The following POU6F2 variants were observed in gnomAD, a reference collection of about 807,000 sequenced individuals.
POU6F2 encodes POU class 6 homeobox 2, also known as POU domain, class 6, transcription factor 2.
In POU6F2, 31 loss-of-function variants were observed where a neutral mutation model predicts 71.3. That is an observed-to-expected ratio of 0.43 (90% CI 0.33 to 0.59). The LOEUF (loss-of-function observed/expected upper bound fraction) is 0.59, where lower values mean the gene tolerates loss of function less well. Ranked by LOEUF, POU6F2 falls within the 20% of genes least tolerant of loss-of-function variation. The pLI, the probability that POU6F2 is intolerant of heterozygous loss-of-function variation, is 0.04. For synonymous variants in POU6F2, 347 were observed against 355.7 expected, an observed-to-expected ratio of 0.98 and a Z score of 0.27; for missense variants, 783 against 856.8, an observed-to-expected ratio of 0.91 and a Z score of 1.07.
chr7:39,051,419 A>G (rs1442975581), intron 1 of POU6F2, among the ~76,000 whole-genome samples: 1 of 152,082 alleles, frequency 6.6e-6, no homozygotes, highest in Non-Finnish European at 1.5e-5. Flanking sequence ...AATGCTCGAA[A>G]ATCTACTTGT....
At chr7:39,075,212 A>T (rs1790974048) in intron 1 of POU6F2, among the ~76,000 whole-genome samples, 1 of 152,170 alleles carries the variant, frequency 6.6e-6, no homozygotes, top group Admixed American at 6.5e-5. Flanking sequence ...TACCATCATT[A>T]TAATGTGAAC....
intron 4 of POU6F2, among the ~76,000 whole-genome samples, chr7:39,250,001 A>C (rs553339305): frequency 3.9e-5 from 6 of 152,358 alleles, no homozygotes; most frequent in Non-Finnish European, 7.3e-5. Flanking sequence ...ATCTGCAGGC[A>C]TTAAAGCGTG....
intron 2 of POU6F2, among the ~76,000 whole-genome samples, chr7:39,091,378 T>C (rs570716202): frequency 6.6e-6 from 1 of 152,292 alleles, no homozygotes; most frequent in Admixed American, 6.5e-5. Flanking sequence ...AATATTGCAG[T>C]GTCCAAGGAT....
intron 2 of POU6F2, among the ~76,000 whole-genome samples, chr7:39,201,425 G>A (rs1012159114): frequency 5.9e-5 from 9 of 152,210 alleles, no homozygotes; most frequent in African/African-American, 1.4e-4. Context: ...GAGTAGTCAC[G>A]TGGATGCCAG....
chr7:39,254,300 A>G (rs1010012968), intron 4 of POU6F2, among the ~76,000 whole-genome samples: 1 of 152,222 alleles, frequency 6.6e-6, no homozygotes, highest in African/African-American at 2.4e-5. Context: ...ATCCATTAAA[A>G]TACCGTCCCA....
intron 4 of POU6F2, 47 bp downstream of exon 4, chr7:39,207,667 A>G (rs1794049679): frequency 6.4e-7 from 1 of 1,551,306 alleles, no homozygotes; most frequent in East Asian, 2.4e-5. Context: ...CCCGTTGGCC[A>G]GTATTCTCTG....
chr7:39,061,627 A>G (rs1462981871), intron 1 of POU6F2, among the ~76,000 whole-genome samples: 2 of 151,308 alleles, frequency 1.3e-5, no homozygotes, highest in Non-Finnish European at 2.9e-5. Flanking sequence ...GTTTGTTAAT[A>G]TCACCACTTA....
intron 6 of POU6F2, among the ~76,000 whole-genome samples, chr7:39,418,987 G>A (rs369937681): frequency 7.5e-6 from 1 of 133,986 alleles, no homozygotes; most frequent in African/African-American, 2.9e-5. Flanking sequence ...ATATATATGT[G>A]TATATATGTG....
chr7:39,427,355 A>AT (rs957563672), intron 6 of POU6F2, among the ~76,000 whole-genome samples: 10 of 151,832 alleles, frequency 6.6e-5, no homozygotes, highest in East Asian at 3.9e-4. Context: ...CCAGTGGGGA[A>AT]TTTTTTTTTC....
intron 2 of POU6F2, among the ~76,000 whole-genome samples, chr7:39,182,970 A>C (rs1793465008): frequency 6.6e-6 from 1 of 152,194 alleles, no homozygotes. Context: ...CAATTGACAT[A>C]TCCTTTAGAC....
chr7:39,145,046 G>C (rs1358076101), intron 2 of POU6F2, among the ~76,000 whole-genome samples: 1 of 152,166 alleles, frequency 6.6e-6, no homozygotes, highest in Non-Finnish European at 1.5e-5. Flanking sequence ...ACTTAGAGTG[G>C]ACATTTCATG....
At chr7:39,018,229 A>G (rs957533206) in intron 1 of POU6F2, among the ~76,000 whole-genome samples, 2 of 152,274 alleles carry the variant, frequency 1.3e-5, no homozygotes, top group South Asian at 2.1e-4. Flanking sequence ...TATCAGGGCC[A>G]TGTCTCTCTG....
intron 5 of POU6F2, among the ~76,000 whole-genome samples, chr7:39,384,467 G>T (rs1285507886): frequency 6.6e-6 from 1 of 152,220 alleles, no homozygotes; most frequent in Non-Finnish European, 1.5e-5. Context: ...TAAAGAGTTA[G>T]TTGGAATCTG....
intron 5 of POU6F2, 88 bp downstream of exon 5, chr7:39,340,103 A>T (rs1298411286): frequency 4.1e-6 from 6 of 1,456,544 alleles, no homozygotes. Flanking sequence ...GAGGGACCAC[A>T]CAAAACTTAG....
intron 5 of POU6F2, among the ~76,000 whole-genome samples, chr7:39,363,259 A>C (rs1786428985): frequency 6.6e-6 from 1 of 152,142 alleles, no homozygotes; most frequent in African/African-American, 2.4e-5. Flanking sequence ...GAGTGTAAGG[A>C]AAACAGAGGA....
chr7:39,160,816 C>A (rs1792979349), intron 2 of POU6F2, among the ~76,000 whole-genome samples: 1 of 152,062 alleles, frequency 6.6e-6, no homozygotes, highest in Non-Finnish European at 1.5e-5. Context: ...TAAAGGAGTG[C>A]CCACGTGTTA....
intron 4 of POU6F2, among the ~76,000 whole-genome samples, chr7:39,296,366 A>T (rs1784844164): frequency 1.3e-5 from 2 of 152,222 alleles, no homozygotes; most frequent in Non-Finnish European, 2.9e-5. Context: ...ACAATATCTT[A>T]GTCTAATTGT....
intron 2 of POU6F2, among the ~76,000 whole-genome samples, chr7:39,156,175 A>G (rs1183369211): frequency 6.6e-6 from 1 of 152,202 alleles, no homozygotes; most frequent in African/African-American, 2.4e-5. Flanking sequence ...AGCACCAACA[A>G]TGAAGGAATG....
chr7:39,361,894 G>T (rs1211362132), intron 5 of POU6F2, among the ~76,000 whole-genome samples: 1 of 152,196 alleles, frequency 6.6e-6, no homozygotes, highest in Non-Finnish European at 1.5e-5. Context: ...AAGTGAGTGG[G>T]TTAGGCAAGG....
Sources: gnomAD v4.1 joint callset for allele counts (sites outside exome capture counted in the v4.1 genomes callset) on GRCh38, gnomAD v4.1.1 for gene constraint, MANE v1.5 for transcripts, NCBI Gene and HGNC (gene_info 2026-07-23, HGNC 2026-07-21) for gene names.